ATP1A3: variants seen among roughly 807,000 people sequenced by gnomAD.
ATP1A3 encodes the protein ATPase Na+/K+ transporting subunit alpha 3, also known as sodium/potassium-transporting ATPase subunit alpha-3.
ATP1A3 carries 12 observed loss-of-function variants against 108.8 expected under a neutral mutation model. That is an observed-to-expected ratio of 0.11 (90% CI 0.07 to 0.18). The LOEUF is 0.18. ATP1A3 is among the 10% of genes least tolerant of loss of function. The probability of loss-of-function intolerance (pLI) is 1.00; values close to 1 mark genes in which losing one functional copy is unlikely to be tolerated. For synonymous variants in ATP1A3, 539 were observed against 564.5 expected (o/e 0.95, Z 0.64); for missense variants, 498 against 1,387.7 (o/e 0.36, Z 10.19).
intron 1 of ATP1A3, 80 bp downstream of exon 1, chr19:41,993,991 C>T: frequency 6.3e-7 from 1 of 1,585,674 alleles, no homozygotes; most frequent in Non-Finnish European, 8.6e-7. Context: ...GGTCCCGGTG[C>T]CCCCGCCCCC....
At chr19:41,983,570 A>T (rs553324854) in intron 8 of ATP1A3, among the ~76,000 whole-genome samples, 9 of 146,880 alleles carry the variant, frequency 6.1e-5, no homozygotes, top group East Asian at 2.0e-4. Context: ...AAAAATTTTT[A>T]AAAATAATAA....
Position 41,966,728 on chromosome 19 carries a change from C to T in ATP1A3, c.*209G>A. ...GGGTGAGGAGAGGGAGAGAAACTGA[C>T]ACAGAAAAGAGAGAGGAGAGAGGTT... On this transcript the variant is annotated 3_prime_UTR_variant, in exon 23 of 23. Coordinates refer to ENST00000648268, the MANE Select transcript of ATP1A3 (RefSeq NM_152296.5). The T allele has an allele frequency of 3.3e-6, 5 of 1,527,890 alleles. No homozygotes were observed. The highest frequency in any genetic ancestry group is 4.4e-6 in the Non-Finnish European group (5 of 1,135,538). The allele number at this position is 1,527,890 out of a possible 1,614,324, so 94.6% of individuals were successfully genotyped here. A position where few individuals can be genotyped will look rare whatever the true frequency, so the allele number is the denominator to read the frequency against.
intron 16 of ATP1A3, among the ~76,000 whole-genome samples, chr19:41,974,308 T>C (rs2075143279): frequency 1.3e-5 from 2 of 152,130 alleles, no homozygotes; most frequent in Non-Finnish European, 2.9e-5. Context: ...CCAGGTGTGA[T>C]GGTGCATACC....
intron 1 of ATP1A3, among the ~76,000 whole-genome samples, chr19:41,989,465 C>T (rs1343405041): frequency 1.3e-5 from 2 of 151,636 alleles, no homozygotes; most frequent in African/African-American, 4.8e-5. Context: ...ACTACAGGCG[C>T]CCGCCACTAC....
chr19:41,972,865 G>GGAAA lies in ATP1A3; in HGVS notation c.2264-2324_2264-2323insTTTC, dbSNP rs1353208175. 3.1e-4 allele frequency among the ~76,000 whole-genome samples: 36 copies of GGAAA among 115,742 alleles called. No individual in the cohort carries two copies. The South Asian group carries it at 3.5e-3, about 11-fold the overall frequency. The allele number at this position is 115,742 out of a possible 152,430, so 75.9% of individuals were successfully genotyped here. A position where few individuals can be genotyped will look rare whatever the true frequency, so the allele number is the denominator to read the frequency against. On this transcript the variant is annotated intron_variant, in intron 16 of 22. Transcript: ENST00000648268. ...AGGAAGGAAGGAAGGAAGGAAAGAA[G>GGAAA]GAAGGAAGGCAGGCAGGCAGGGACG... is the stretch of plus-strand genomic sequence containing the variant.
At chr19:41,973,635 T>TTATC (rs1439518049) in intron 16 of ATP1A3, among the ~76,000 whole-genome samples, 2 of 152,198 alleles carry the variant, frequency 1.3e-5, no homozygotes, top group East Asian at 3.9e-4. Flanking sequence ...ACCCTCACTA[T>TTATC]TATCTATCAC....
chr19:41,983,113 T>A (rs990116409), intron 8 of ATP1A3, among the ~76,000 whole-genome samples: 4 of 152,160 alleles, frequency 2.6e-5, no homozygotes, highest in Admixed American at 6.5e-5. Flanking sequence ...AGTCTTGCTC[T>A]GTCGTCCAGG....
intron 1 of ATP1A3, chr19:41,990,758 CTCTCTGTCTCTT>C (rs2075330391): frequency 6.6e-6 from 1 of 151,676 alleles, no homozygotes; most frequent in Non-Finnish European, 1.5e-5. Flanking sequence ...CTTCCTCTCT[CTCTCTGTCTCTT>C]TCTCTCACTT....
chr19:41,972,272 T>C (rs1555860086), intron 16 of ATP1A3, among the ~76,000 whole-genome samples: 1 of 149,992 alleles, frequency 6.7e-6, no homozygotes. Flanking sequence ...TAAAATAAAA[T>C]AAACATTAGT....
chr19:41,969,251 T>C (rs1460980671), intron 19 of ATP1A3, among the ~76,000 whole-genome samples, 184 bp downstream of exon 19: 1 of 151,816 alleles, frequency 6.6e-6, no homozygotes, highest in Non-Finnish European at 1.5e-5. Context: ...GCTCCAGCAG[T>C]GGGACACAAG....
intron 1 of ATP1A3, chr19:41,993,725 C>A: frequency 1.7e-6 from 1 of 601,346 alleles, no homozygotes; most frequent in Non-Finnish European, 2.9e-6. Context: ...TTTCAGACAC[C>A]ACGGGGCCCA....
intron 8 of ATP1A3, among the ~76,000 whole-genome samples, chr19:41,983,068 T>C (rs1456330800): frequency 6.6e-6 from 1 of 152,128 alleles, no homozygotes; most frequent in Non-Finnish European, 1.5e-5. Flanking sequence ...ATTGCTAATA[T>C]GGAAAACAGT....
rs781827669 is a variant in ATP1A3, at chr19:41,988,152, G to T, written c.154-13C>A. On this transcript the variant is annotated splice_polypyrimidine_tract_variant and intron_variant, in intron 3 of 22. Coordinates refer to ENST00000648268, the MANE Select transcript of ATP1A3 (RefSeq NM_152296.5). This position sits in a 1 kb window ranked among gnomAD's most constrained non-coding sequence, Gnocchi z 5.3. ...TGTGGGTCAAACCCTGAGGGACAGA[G>T]GACTCACACAGAACCCTCCCTGGGC... is the stretch of plus-strand genomic sequence containing the variant. 1 of 1,614,114 alleles carries T rather than the reference G, an allele frequency of 6.2e-7. No individual in the cohort carries two copies. Among genetic ancestry groups the T allele is most frequent in the Admixed American group, 1.7e-5 (1 of 60,024 alleles).
At position 41,985,243 on chromosome 19, in the gene ATP1A3, T is replaced by C; in HGVS notation, c.725-57A>G. ...GTGGCTCAGGGAGGTTCTGGAGGCC[T>C]GACCCCCTGGGACACATCCCTGTGT... is the stretch of plus-strand genomic sequence containing the variant. On this transcript the variant is annotated intron_variant, in intron 7 of 22. Coordinates refer to ENST00000648268, the MANE Select transcript of ATP1A3 (RefSeq NM_152296.5). The surrounding 1 kb of genome is among the most constrained non-coding windows in gnomAD (Gnocchi z 8.2). 6.2e-7 allele frequency: 1 copy of C among 1,613,982 alleles called. No homozygotes were observed. Among genetic ancestry groups the C allele is most frequent in the Non-Finnish European group, 8.5e-7 (1 of 1,179,942 alleles).
chr19:41,992,256 C>T (rs2075347562), intron 1 of ATP1A3, among the ~76,000 whole-genome samples: 1 of 152,172 alleles, frequency 6.6e-6, no homozygotes, highest in South Asian at 2.1e-4. Flanking sequence ...CTTGACACAG[C>T]CAGACCCCCT....
chr19:41,982,574 C>G (rs890169232), intron 8 of ATP1A3, among the ~76,000 whole-genome samples: 2 of 151,224 alleles, frequency 1.3e-5, no homozygotes, highest in African/African-American at 2.4e-5. Context: ...TGCAGTGATC[C>G]GAAATCGTGA....
intron 11 of ATP1A3, among the ~76,000 whole-genome samples, chr19:41,979,467 A>G (rs1555862640): frequency 6.6e-6 from 1 of 151,816 alleles, no homozygotes; most frequent in Non-Finnish European, 1.5e-5. Context: ...GGTCCACACC[A>G]CCATGCCTGG....
rs532569805 is a variant in ATP1A3, at chr19:41,970,047, C to T, written c.2542+138G>A. On this transcript the variant is annotated intron_variant, in intron 18 of 22. Coordinates refer to ENST00000648268, the MANE Select transcript of ATP1A3 (RefSeq NM_152296.5). ...AGAAGGATGGGGTGCAGACCCCCCC[C>T]ACAGATAGCTCACTGGTTGGTCCTG... 1.6e-5 allele frequency: 23 copies of T among 1,414,052 alleles called. 1 individual carries two copies. In the South Asian group the frequency reaches 2.0e-4, roughly 12 times the overall value. 87.6% of individuals were successfully genotyped at this position (1,414,052 alleles called of 1,614,324 possible). A position where few individuals can be genotyped will look rare whatever the true frequency, so the allele number is the denominator to read the frequency against.
At chr19:41,970,891 T>C (rs187900386) in intron 16 of ATP1A3, among the ~76,000 whole-genome samples, 203 of 151,788 alleles carry the variant, frequency 1.3e-3, no homozygotes, top group African/African-American at 4.4e-3. Context: ...CTCGGCCTCC[T>C]GAAGTGCTGG....
Sources: gnomAD v4.1 joint callset for allele counts (sites outside exome capture counted in the v4.1 genomes callset) on GRCh38, gnomAD v4.1.1 for gene constraint, Gnocchi (gnomAD v3.1) non-coding constraint, MANE v1.5 for transcripts, NCBI Gene and HGNC (gene_info 2026-07-23, HGNC 2026-07-21) for gene names.